The following SPAG6 variants were observed in gnomAD, a reference collection of about 807,000 sequenced individuals.
SPAG6 encodes sperm associated antigen 6.
SPAG6 carries 49 observed loss-of-function variants against 58.5 expected under a neutral mutation model. That is an observed-to-expected ratio of 0.84 (90% CI 0.67 to 1.06). The LOEUF (loss-of-function observed/expected upper bound fraction) is 1.06. SPAG6 is among the 50% of genes least tolerant of loss of function. SPAG6 has a pLI of 0.00. For missense variants in SPAG6, 560 were observed against 611.3 expected, an observed-to-expected ratio of 0.92 and a Z score of 0.89; for synonymous variants, 233 against 225.6, an observed-to-expected ratio of 1.03 and a Z score of -0.29.
chr10:22,349,003 T>C (rs191889843), intron 2 of SPAG6, among the ~76,000 whole-genome samples: 432 of 152,064 alleles, frequency 2.8e-3, no homozygotes, highest in Non-Finnish European at 5.2e-3. Flanking sequence ...TGGCTAATTT[T>C]TGTTTTGTTT....
At chr10:22,349,871 A>G (rs1019742525) in intron 2 of SPAG6, among the ~76,000 whole-genome samples, 3 of 152,172 alleles carry the variant, frequency 2.0e-5, no homozygotes, top group Non-Finnish European at 4.4e-5. Flanking sequence ...GTGATTTTAG[A>G]TTACATGTAT....
At chr10:22,360,720 A>C in intron 2 of SPAG6, 1 of 1,034,072 alleles carries the variant, frequency 9.7e-7, no homozygotes, top group East Asian at 2.6e-5. Context: ...TGGGTCCTTC[A>C]AGTGAGCCCC....
rs1352944434 is a variant in SPAG6 at position 22,417,215 on chromosome 10, C to A, written c.*527C>A. On this transcript the variant is annotated 3_prime_UTR_variant, in exon 11 of 11. Transcript: ENST00000376624. ...CTTAAGACACGGACTCTGTGGGTAA[C>A]CTGTTAGGTTTTACTAAGAATTTAG... 1 of 152,180 alleles carries A rather than the reference C, an allele frequency of 6.6e-6. No homozygotes were observed. Among genetic ancestry groups the A allele is most frequent in the Non-Finnish European group, 1.5e-5 (1 of 68,058 alleles). 9.4% of individuals were successfully genotyped at this position (152,180 alleles called of 1,614,324 possible).
Position 22,346,780 on chromosome 10 carries a change from T to C in SPAG6, c.121+962T>C, listed in dbSNP as rs114888430. On this transcript the variant is annotated intron_variant, in intron 2 of 10. Coordinates refer to ENST00000376624, the MANE Select transcript of SPAG6 (RefSeq NM_012443.4). ...ATACTTCGTTTTGTCACTAGGATTT[T>C]TGGCATTTATTCCTTGTGTGTTTTT... 3.5e-3 allele frequency among the ~76,000 whole-genome samples: 529 copies of C among 152,330 alleles called. 1 individual carries two copies. The highest frequency in any genetic ancestry group is 0.012 in the African/African-American group (506 of 41,570).
At chr10:22,395,745 A>G (rs549739881) in intron 8 of SPAG6, among the ~76,000 whole-genome samples, 3 of 152,324 alleles carry the variant, frequency 2.0e-5, no homozygotes, top group East Asian at 1.9e-4. Context: ...TCAATTGCAT[A>G]TGCTTTTTGT....
intron 2 of SPAG6, chr10:22,360,707 T>C (rs1181985082): frequency 1.3e-6 from 1 of 753,410 alleles, no homozygotes; most frequent in Non-Finnish European, 2.1e-6. Flanking sequence ...ACATAGTATA[T>C]GTTGGGTCCT....
At chr10:22,407,236 T>C (rs936765715) in intron 9 of SPAG6, among the ~76,000 whole-genome samples, 1 of 151,958 alleles carries the variant, frequency 6.6e-6, no homozygotes, top group Non-Finnish European at 1.5e-5. Flanking sequence ...CTAGTCTCGA[T>C]GGTCTTTACA....
intron 2 of SPAG6, among the ~76,000 whole-genome samples, chr10:22,350,060 C>G (rs1836674396): frequency 6.6e-6 from 1 of 151,102 alleles, no homozygotes; most frequent in Non-Finnish European, 1.5e-5. Context: ...AGAAAATTAA[C>G]AAAGCAACTA....
intron 4 of SPAG6, among the ~76,000 whole-genome samples, chr10:22,372,816 T>G (rs1833730293): frequency 6.6e-6 from 1 of 152,122 alleles, no homozygotes; most frequent in Non-Finnish European, 1.5e-5. Flanking sequence ...ATCTCAAGCC[T>G]GGCAAAGAGG....
chr10:22,375,933 A>G (rs1238129867), intron 4 of SPAG6, among the ~76,000 whole-genome samples: 1 of 152,082 alleles, frequency 6.6e-6, no homozygotes, highest in African/African-American at 2.4e-5. Flanking sequence ...ACTGTGCTAT[A>G]ACTAGCCACA....
intron 4 of SPAG6, among the ~76,000 whole-genome samples, chr10:22,370,227 A>T (rs757394302): frequency 1.3e-5 from 2 of 152,130 alleles, no homozygotes; most frequent in Non-Finnish European, 2.9e-5. Context: ...AAATTAAGGA[A>T]TTTTTTCTTC....
Position 22,403,355 on chromosome 10 carries a change from A to G in SPAG6, c.1314+2078A>G, listed in dbSNP as rs558382699. ...TGTGTCCATGTGTTCTCATTGTTCA[A>G]TTCCCACCTATGAGTGAGAATATGC... is the stretch of plus-strand genomic sequence containing the variant. On this transcript the variant is annotated intron_variant, in intron 9 of 10. Transcript: ENST00000376624. 3.9e-5 allele frequency among the ~76,000 whole-genome samples: 6 copies of G among 152,202 alleles called. No individual in the cohort carries two copies. In the East Asian group the frequency reaches 5.8e-4, roughly 15 times the overall value.
chr10:22,405,643 TG>T (rs1355233687), intron 9 of SPAG6, among the ~76,000 whole-genome samples: 1 of 151,652 alleles, frequency 6.6e-6, no homozygotes, highest in Non-Finnish European at 1.5e-5. Flanking sequence ...AGGATGATGC[TG>T]GCCTCATAAA....
At chr10:22,363,369 A>G (rs961620310) in intron 2 of SPAG6, among the ~76,000 whole-genome samples, 1 of 152,200 alleles carries the variant, frequency 6.6e-6, no homozygotes, top group African/African-American at 2.4e-5. Context: ...AACAGTATAG[A>G]TAATAATATA....
In SPAG6 at chr10:22,345,903, TG is replaced by T. The variant is rs751328297; in HGVS notation, c.121+89del. ...CCCGCTGCCCTGCCCGTGGAGCTCTTGGGGAGCCGCAGTGTGGGGACCGGAG... is the reference window on the plus strand; with the variant it reads ...CCCGCTGCCCTGCCCGTGGAGCTCTTGGGAGCCGCAGTGTGGGGACCGGAG... On this transcript the variant is annotated intron_variant, in intron 2 of 10. Coordinates refer to ENST00000376624, the MANE Select transcript of SPAG6 (RefSeq NM_012443.4). This position sits in a 1 kb window ranked among gnomAD's most constrained non-coding sequence, Gnocchi z 6.3. 20 of 1,577,630 alleles carry T rather than the reference TG, an allele frequency of 1.3e-5. No individual in the cohort carries two copies. Among genetic ancestry groups the T allele is most frequent in the East Asian group, 2.4e-5 (1 of 42,380 alleles).
intron 4 of SPAG6, among the ~76,000 whole-genome samples, chr10:22,373,287 G>C (rs1404838884): frequency 6.6e-6 from 1 of 152,112 alleles, no homozygotes; most frequent in Non-Finnish European, 1.5e-5. Context: ...GTCTCAAGAT[G>C]AGCTGGCAGC....
intron 4 of SPAG6, among the ~76,000 whole-genome samples, chr10:22,373,153 G>A (rs1183817410): frequency 6.6e-6 from 1 of 152,104 alleles, no homozygotes; most frequent in African/African-American, 2.4e-5. Flanking sequence ...CCAGCTCTGT[G>A]GCAGTTGGGA....
intron 4 of SPAG6, among the ~76,000 whole-genome samples, chr10:22,372,762 TA>T (rs55634830): frequency 0.021 from 2,677 of 126,380 alleles, 31 homozygotes; most frequent in Middle Eastern, 0.047. Context: ...GAGCTTTAGC[TA>T]AAAAAAAAAA....
At position 22,345,644 on chromosome 10, in the gene SPAG6, C is replaced by G. The variant is rs1836498531; in HGVS notation, c.25+8C>G. ...AGAGGCAGGTGCTGCAAGGTAGGGC[C>G]GAGGCGGGCAGGTGCCCTAACTAGC... On this transcript the variant is annotated splice_region_variant and intron_variant, in intron 1 of 10. Coordinates refer to ENST00000376624, the MANE Select transcript of SPAG6 (RefSeq NM_012443.4). The surrounding 1 kb of genome is among the most constrained non-coding windows in gnomAD (Gnocchi z 6.3). 1.9e-6 allele frequency: 3 copies of G among 1,549,290 alleles called. No homozygotes were observed. The highest frequency in any genetic ancestry group is 2.4e-5 in the South Asian group (2 of 84,302).
Sources: gnomAD v4.1 joint callset for allele counts (sites outside exome capture counted in the v4.1 genomes callset) on GRCh38, gnomAD v4.1.1 for gene constraint, Gnocchi (gnomAD v3.1) non-coding constraint, MANE v1.5 for transcripts, NCBI Gene and HGNC (gene_info 2026-07-23, HGNC 2026-07-21) for gene names.